The following BMP2K variants were observed in gnomAD, a reference collection of about 807,000 sequenced individuals.
BMP2K encodes BMP-2-inducible protein kinase.
A neutral mutation model predicts 116.0 loss-of-function variants in BMP2K; 74 were observed. The observed-to-expected ratio is 0.64, with a 90% CI of 0.53 to 0.77. The LOEUF (loss-of-function observed/expected upper bound fraction) is 0.77, where lower values mean the gene tolerates loss of function less well. BMP2K is among the 30% of genes least tolerant of loss of function. The probability of loss-of-function intolerance (pLI) is 0.00; values close to 1 mark genes in which losing one functional copy is unlikely to be tolerated. For synonymous variants in BMP2K, 486 were observed against 502.5 expected, an observed-to-expected ratio of 0.97 and a Z score of 0.44; for missense variants, 1,365 against 1,403.6, an observed-to-expected ratio of 0.97 and a Z score of 0.44.
At chr4:78,877,979 G>A (rs1732711291) in intron 13 of BMP2K, among the ~76,000 whole-genome samples, 1 of 152,046 alleles carries the variant, frequency 6.6e-6, no homozygotes, top group Non-Finnish European at 1.5e-5. Context: ...TGAGGGAGAG[G>A]TACACAGGGA....
At chr4:78,864,702 T>C (rs1731960356) in intron 9 of BMP2K, among the ~76,000 whole-genome samples, 1 of 152,266 alleles carries the variant, frequency 6.6e-6, no homozygotes, top group Middle Eastern at 3.4e-3. Context: ...ATCATATGTA[T>C]GTAAAAATTT....
chr4:78,898,675 AT>A (rs1169153400), intron 15 of BMP2K, among the ~76,000 whole-genome samples: 18 of 151,208 alleles, frequency 1.2e-4, no homozygotes, highest in Admixed American at 9.2e-4. Context: ...AAAAAAGACC[AT>A]TGCTCCTCAA....
intron 1 of BMP2K, among the ~76,000 whole-genome samples, chr4:78,793,236 C>G (rs973949934): frequency 6.6e-6 from 1 of 151,798 alleles, no homozygotes; most frequent in Non-Finnish European, 1.5e-5. Context: ...ACGGTGAAAC[C>G]TTGTCTCTAC....
intron 3 of BMP2K, among the ~76,000 whole-genome samples, chr4:78,836,195 A>T (rs1380112311): frequency 6.6e-6 from 1 of 152,106 alleles, no homozygotes; most frequent in Non-Finnish European, 1.5e-5. Flanking sequence ...AGGCGGGCGG[A>T]TCAAGAGGTC....
chr4:78,793,409 CA>C (rs59725143), intron 1 of BMP2K, among the ~76,000 whole-genome samples: 145 of 81,066 alleles, frequency 1.8e-3, no homozygotes, highest in Admixed American at 2.3e-3. Flanking sequence ...GACTCCGTCT[CA>C]AAAAAAAAAA....
chr4:78,798,404 A>G (rs1227499170), intron 1 of BMP2K, among the ~76,000 whole-genome samples: 2 of 152,254 alleles, frequency 1.3e-5, no homozygotes, highest in African/African-American at 4.8e-5. Flanking sequence ...AGGAAAAGTT[A>G]TAGAAATACA....
chr4:78,887,406 A>G, intron 15 of BMP2K, 122 bp downstream of exon 15: 1 of 735,472 alleles, frequency 1.4e-6, no homozygotes, highest in Non-Finnish European at 2.3e-6. Context: ...AAAATATTTT[A>G]ACCTTTAGCC....
In BMP2K at chr4:78,853,936, A is replaced by G. The variant is rs552325502; in HGVS notation, c.883+2880A>G. ...TAACTTAATTTCTGATTTTCTGGAT[A>G]GGGGCAGGACATGCTGTCAGACACT... On this transcript the variant is annotated intron_variant, in intron 7 of 15. Coordinates refer to ENST00000502613, the MANE Select transcript of BMP2K (RefSeq NM_198892.2). Among the ~76,000 whole-genome samples the G allele has an allele frequency of 1.9e-4, 29 of 152,232 alleles. No individual in the cohort carries two copies. In the East Asian group the frequency reaches 4.8e-3, roughly 25 times the overall value.
At chr4:78,878,647 AT>A in intron 13 of BMP2K, 86 bp from the exon 14 acceptor site, 1 of 1,097,770 alleles carries the variant, frequency 9.1e-7, no homozygotes, top group Non-Finnish European at 1.3e-6. Context: ...CTAAGTATTT[AT>A]AAAGTATAAA....
At chr4:78,815,293 TAA>T (rs906428444) in intron 1 of BMP2K, among the ~76,000 whole-genome samples, 2 of 152,158 alleles carry the variant, frequency 1.3e-5, no homozygotes, top group Admixed American at 1.3e-4. Flanking sequence ...AGTAGAGGAA[TAA>T]AGTTAATGCC....
At chr4:78,852,602 C>G (rs1367590541) in intron 7 of BMP2K, among the ~76,000 whole-genome samples, 1 of 151,736 alleles carries the variant, frequency 6.6e-6, no homozygotes, top group South Asian at 2.1e-4. Flanking sequence ...CAATTTTTTT[C>G]TTTTTCTTTG....
intron 2 of BMP2K, among the ~76,000 whole-genome samples, chr4:78,829,082 G>A (rs1296862313): frequency 1.3e-5 from 2 of 152,216 alleles, no homozygotes; most frequent in African/African-American, 4.8e-5. Flanking sequence ...AAACATCAGT[G>A]AAGTTTGCCA....
rs183202877 is a variant in BMP2K at position 78,823,935 on chromosome 4, A to G, written c.179-2102A>G. The stretch of plus-strand genomic sequence containing the variant: ...CATTTTCCTTAGTTTTTGTAACCAA[A>G]TAAAATTATGGTAGTTTAAGTGGCC... On this transcript the variant is annotated intron_variant, in intron 1 of 15. Coordinates refer to ENST00000502613, the MANE Select transcript of BMP2K (RefSeq NM_198892.2). Among the ~76,000 whole-genome samples, 582 of 152,304 alleles carry G rather than the reference A, an allele frequency of 3.8e-3. 5 individuals carry two copies. Among genetic ancestry groups the G allele is most frequent in the Middle Eastern group, 0.024 (7 of 294 alleles).
At chr4:78,834,335 C>T (rs537643064) in intron 3 of BMP2K, among the ~76,000 whole-genome samples, 1 of 151,016 alleles carries the variant, frequency 6.6e-6, no homozygotes, top group African/African-American at 2.4e-5. Flanking sequence ...GATCTCGGCT[C>T]ACTACCAGCT....
intron 13 of BMP2K, among the ~76,000 whole-genome samples, chr4:78,874,651 TG>T (rs1732547043): frequency 6.6e-6 from 1 of 152,242 alleles, no homozygotes; most frequent in African/African-American, 2.4e-5. Flanking sequence ...TCTAAAAGTC[TG>T]TCAGCTCCTG....
intron 1 of BMP2K, among the ~76,000 whole-genome samples, chr4:78,790,565 A>C (rs1028102570): frequency 6.6e-6 from 1 of 152,222 alleles, no homozygotes; most frequent in Non-Finnish European, 1.5e-5. Flanking sequence ...GTTGCCAGCT[A>C]AGAAGACTCA....
chr4:78,894,718 TG>T (rs1208945948), intron 15 of BMP2K, among the ~76,000 whole-genome samples: 5 of 152,350 alleles, frequency 3.3e-5, no homozygotes, highest in African/African-American at 1.2e-4. Flanking sequence ...ATTTTTCCTT[TG>T]TGTTCACTTG....
chr4:78,780,310 A>G (rs1238434910), intron 1 of BMP2K, among the ~76,000 whole-genome samples: 1 of 152,156 alleles, frequency 6.6e-6, no homozygotes, highest in Non-Finnish European at 1.5e-5. Context: ...TGATAGTGTG[A>G]ATATGGTGAT....
intron 1 of BMP2K, among the ~76,000 whole-genome samples, chr4:78,825,510 A>C (rs570670041): frequency 1.3e-5 from 2 of 152,334 alleles, no homozygotes; most frequent in Admixed American, 1.3e-4. Context: ...TTACATGTTC[A>C]ATTAGCAAGA....
Sources: gnomAD v4.1 joint callset for allele counts (sites outside exome capture counted in the v4.1 genomes callset) on GRCh38, gnomAD v4.1.1 for gene constraint, MANE v1.5 for transcripts, NCBI Gene and HGNC (gene_info 2026-07-23, HGNC 2026-07-21) for gene names.